The following THG1L variants were observed in gnomAD, a reference collection of about 807,000 sequenced individuals.
The protein encoded by THG1L is probable tRNA(His) guanylyltransferase.
THG1L carries 27 observed loss-of-function variants against 35.2 expected under a neutral mutation model. The observed-to-expected ratio is 0.77, with a 90% confidence interval of 0.57 to 1.06. The LOEUF is 1.06. THG1L is among the 50% of genes least tolerant of loss of function. The pLI, the probability that THG1L is intolerant of heterozygous loss-of-function variation, is 0.00. For synonymous variants in THG1L, 135 were observed against 132.4 expected, an observed-to-expected ratio of 1.02 and a Z score of -0.14; for missense variants, 377 against 371.8, an observed-to-expected ratio of 1.01 and a Z score of -0.12.
rs777109928 is a variant in THG1L, at chr5:157,734,702, C to G, written c.495C>G (p.Ser165Arg). ...ACGGAAGAGTCGTGGTGTATCCCAG[C>G]AACCAGACTTTAAAGGACTACCTCA... ...GFDGRVVVYPSNQTLKDYLSW... is the reference protein window; with the variant it reads ...GFDGRVVVYPRNQTLKDYLSW... Residue 165 changes from serine (S) to arginine (R), a missense_variant, in exon 3 of 6, where the codon AGC (serine) becomes AGG (arginine). By Grantham distance (110) the Ser-to-Arg change is moderately radical (BLOSUM62 -1). Transcript: ENST00000231198. 1.9e-6 allele frequency: 3 copies of G among 1,614,100 alleles called. No individual in the cohort carries two copies. The highest frequency in any genetic ancestry group is 2.5e-6 in the Non-Finnish European group (3 of 1,180,030).
At chr5:157,739,131 T>TTA (rs765930314) in intron 5 of THG1L, among the ~76,000 whole-genome samples, 190 bp from the exon 6 acceptor site, 1 of 151,998 alleles carries the variant, frequency 6.6e-6, no homozygotes. Context: ...TACTGAGATT[T>TTA]TATATATATA....
rs1338393468 is a variant in THG1L, at chr5:157,740,550, C to CA, written c.*1069dup. On this transcript the variant is annotated 3_prime_UTR_variant, in exon 6 of 6. Transcript: ENST00000231198. ...AGTGGGAATAGGTGGTGAGAGAACT[C>CA]ACATTTTTCTCTTGTCCTGGTTTTA... The CA allele has an allele frequency of 6.6e-6, 1 of 152,340 alleles. No homozygotes were observed. Among genetic ancestry groups the CA allele is most frequent in the Admixed American group, 6.5e-5 (1 of 15,272 alleles). The allele number at this position is 152,340 out of a possible 1,614,324, so 9.4% of individuals were successfully genotyped here.
In THG1L at chr5:157,734,556, A is replaced by G. The variant is rs569965826; in HGVS notation, c.369-20A>G. ...ATTTTTCTTTTTCTTACTCCACCCA[A>G]TGTGCGTTACATTTTCAAGTAAGTT... On this transcript the variant is annotated intron_variant, in intron 2 of 5. Coordinates refer to ENST00000231198, the MANE Select transcript of THG1L (RefSeq NM_017872.5). The G allele has an allele frequency of 6.8e-6, 11 of 1,612,838 alleles. No homozygotes were observed. In the South Asian group the frequency reaches 7.7e-5, roughly 11 times the overall value.
chr5:157,739,419 C>A lies in THG1L; in HGVS notation c.834C>A (p.His278Gln). Residue 278 changes from histidine (H) to glutamine (Q), a missense_variant, in exon 6 of 6, where the codon CAC becomes CAA. His to Gln is a conservative substitution (Grantham distance 24). Transcript: ENST00000231198. ...TRTRTKPVPL[H>Q]CDIIGDAFWK... is the part of the protein sequence containing the mutation. ...CCAGGACAAAGCCAGTGCCCTTGCA[C>A]TGCGATATCATCGGGGATGCTTTCT... is the stretch of plus-strand genomic sequence containing the variant. 1 of 1,613,798 alleles carries A rather than the reference C, an allele frequency of 6.2e-7. No individual in the cohort carries two copies.
At chr5:157,738,668 C>G (rs1200957685) in intron 5 of THG1L, 1 of 434,178 alleles carries the variant, frequency 2.3e-6, no homozygotes, top group Non-Finnish European at 4.5e-6. Flanking sequence ...GCAACTCCAG[C>G]TCTTTGAGTT....
At chr5:157,736,067 A>G in intron 4 of THG1L, 133 bp downstream of exon 4, 1 of 641,028 alleles carries the variant, frequency 1.6e-6, no homozygotes, top group South Asian at 1.9e-5. Flanking sequence ...AAGGATATAA[A>G]AATCATAATA....
Position 157,739,318 on chromosome 5 carries a change from T to A in THG1L, c.736-3T>A. On this transcript the variant is annotated splice_region_variant and splice_polypyrimidine_tract_variant and intron_variant, in intron 5 of 5. Coordinates refer to ENST00000231198, the MANE Select transcript of THG1L (RefSeq NM_017872.5). ...AATGTCACTACTTTATTTTTACCTG[T>A]AGGTGGATGAAGTGATGACAAAAGA... 5.0e-6 allele frequency: 8 copies of A among 1,612,802 alleles called. No homozygotes were observed. The highest frequency in any genetic ancestry group is 6.8e-6 in the Non-Finnish European group (8 of 1,179,408).
In THG1L at chr5:157,731,517, T is replaced by TG; in HGVS notation, c.82dup (p.Ala28GlyfsTer17). Reference sequence around the variant, plus strand: ...ATCACTCTGAGACGGTACCTGAGATTGGGGGCGACCATGGCAAAAAGCAAG... The same window carrying TG: ...ATCACTCTGAGACGGTACCTGAGATTGGGGGGCGACCATGGCAAAAAGCAAG... On this transcript the variant is annotated frameshift_variant, in exon 1 of 6. Transcript: ENST00000231198. LOFTEE classifies it high-confidence loss of function. 6.2e-7 allele frequency: 1 copy of TG among 1,612,944 alleles called. No individual in the cohort carries two copies. The highest frequency in any genetic ancestry group is 8.5e-7 in the Non-Finnish European group (1 of 1,179,478).
intron 1 of THG1L, among the ~76,000 whole-genome samples, chr5:157,732,240 A>AAG (rs1760746605): frequency 1.1e-5 from 1 of 88,738 alleles, no homozygotes; most frequent in Non-Finnish European, 2.6e-5. Flanking sequence ...AAAAAAAAAA[A>AAG]AAAAGAGAGA....
rs143754921 is a variant in THG1L at position 157,739,379 on chromosome 5, T to C, written c.794T>C (p.Met265Thr). The C allele has an allele frequency of 1.5e-5, 24 of 1,613,934 alleles. No individual in the cohort carries two copies. Among genetic ancestry groups the C allele is most frequent in the Non-Finnish European group, 2.0e-5 (24 of 1,179,896 alleles). Reference sequence around the variant, plus strand: ...CCAACAGAAATGGAAGGAAAAAAGATGGCAGTGACCCGGACCAGGACAAAG... The same window carrying C: ...CCAACAGAAATGGAAGGAAAAAAGACGGCAGTGACCCGGACCAGGACAAAG... ...KLPTEMEGKK[M>T]AVTRTRTKPV... The change falls in exon 6 of 6, where the codon ATG becomes ACG. Residue 265 changes from methionine (M) to threonine (T), a missense_variant. Met to Thr is a moderately conservative substitution (Grantham distance 81). Transcript: ENST00000231198.
chr5:157,733,169 T>C, intron 2 of THG1L, 125 bp downstream of exon 2: 4 of 1,091,646 alleles, frequency 3.7e-6, no homozygotes, highest in South Asian at 3.3e-5. Flanking sequence ...GCAGAGTACA[T>C]GTATATTTCC....
Position 157,731,437 on chromosome 5 carries a change from T to C in THG1L, c.-4T>C. ...TATCTGGCCCTTTCCTTTCCGCGTG[T>C]AGAATGTGGGGCGCCTGTAAAGTTA... On this transcript the variant is annotated 5_prime_UTR_variant, in exon 1 of 6. Coordinates refer to ENST00000231198, the MANE Select transcript of THG1L (RefSeq NM_017872.5). 6.3e-7 allele frequency: 1 copy of C among 1,585,094 alleles called. No individual in the cohort carries two copies. Among genetic ancestry groups the C allele is most frequent in the Non-Finnish European group, 8.6e-7 (1 of 1,164,072 alleles).
intron 1 of THG1L, among the ~76,000 whole-genome samples, chr5:157,732,215 CAAAAA>C (rs34744387): frequency 2.0e-4 from 11 of 53,886 alleles, no homozygotes; most frequent in Admixed American, 8.0e-4. Context: ...TCCGCCACTA[CAAAAA>C]AAAAAAAAAA....
At chr5:157,737,300 T>C (rs980108362) in intron 4 of THG1L, among the ~76,000 whole-genome samples, 8 of 152,066 alleles carry the variant, frequency 5.3e-5, no homozygotes, top group Non-Finnish European at 8.8e-5. Context: ...AAGACCAGCC[T>C]GGCCAACATG....
chr5:157,735,462 C>T (rs930797930), intron 3 of THG1L, among the ~76,000 whole-genome samples: 2 of 152,142 alleles, frequency 1.3e-5, no homozygotes, highest in African/African-American at 4.8e-5. Flanking sequence ...GAATTGTGAC[C>T]CTTGCCTTAT....
intron 5 of THG1L, chr5:157,738,824 C>CTTT (rs33954159): frequency 7.0e-4 from 115 of 163,152 alleles, no homozygotes; most frequent in African/African-American, 1.1e-3. Context: ...ATAGTATAAC[C>CTTT]TTTTTTTTTT....
At chr5:157,732,329 G>T (rs1760751506) in intron 1 of THG1L, among the ~76,000 whole-genome samples, 1 of 151,000 alleles carries the variant, frequency 6.6e-6, no homozygotes, top group Non-Finnish European at 1.5e-5. Flanking sequence ...CACACATGTA[G>T]TTCCAGCTAC....
At chr5:157,731,877 G>T (rs1446821170) in intron 1 of THG1L, among the ~76,000 whole-genome samples, 1 of 152,232 alleles carries the variant, frequency 6.6e-6, no homozygotes, top group Non-Finnish European at 1.5e-5. Flanking sequence ...GAGTGCCCGT[G>T]TTAAGTGAAC....
In THG1L at chr5:157,737,871, A is replaced by AT. The variant is rs1760923761; in HGVS notation, c.628-11dup. 6.2e-7 allele frequency: 1 copy of AT among 1,602,126 alleles called. No individual in the cohort carries two copies. Among genetic ancestry groups the AT allele is most frequent in the South Asian group, 1.1e-5 (1 of 89,628 alleles). On this transcript the variant is annotated splice_polypyrimidine_tract_variant and intron_variant, in intron 4 of 5. Coordinates refer to ENST00000231198, the MANE Select transcript of THG1L (RefSeq NM_017872.5). ...AAGACATGCAGAGCTTTTAATATCT[A>AT]TTTTTATTTTCTCAGGGAACTCTTG... is the stretch of plus-strand genomic sequence containing the variant.
Sources: allele counts gnomAD v4.1 joint callset (sites outside exome capture counted in the v4.1 genomes callset), GRCh38; gene constraint gnomAD v4.1.1; transcripts MANE v1.5; gene names NCBI Gene and HGNC (gene_info 2026-07-23, HGNC 2026-07-21).